SLC44A5: variants seen among roughly 807,000 people sequenced by gnomAD.
SLC44A5 encodes the protein choline transporter-like protein 5.
Under a neutral mutation model 101.8 loss-of-function variants are expected in SLC44A5, and 57 were observed. The ratio of observed to expected loss-of-function variants is 0.56; its 90% CI spans 0.45 to 0.70. The LOEUF is 0.70. SLC44A5 is among the 30% of genes least tolerant of loss of function. The probability of loss-of-function intolerance (pLI) is 0.00; values close to 1 mark genes in which losing one functional copy is unlikely to be tolerated. For missense variants in SLC44A5, 737 were observed against 853.1 expected (o/e 0.86, Z 1.70); for synonymous variants, 281 against 290.9 (o/e 0.97, Z 0.35).
intron 3 of SLC44A5, among the ~76,000 whole-genome samples, chr1:75,388,072 G>T (rs868278400): frequency 9.5e-6 from 1 of 105,246 alleles, no homozygotes. Context: ...GGGGTGGGGG[G>T]AGGGGGGAGG....
At chr1:75,345,358 G>T (rs894209489) in intron 3 of SLC44A5, among the ~76,000 whole-genome samples, 1 of 152,042 alleles carries the variant, frequency 6.6e-6, no homozygotes, top group African/African-American at 2.4e-5. Context: ...GATCTTGGGA[G>T]AATTACTTTT....
Position 75,251,239 on chromosome 1 carries a change from A to G in SLC44A5, c.316T>C (p.Leu106=). Residue 106 remains leucine (L), a synonymous_variant, in exon 7 of 24, where the codon TTG becomes CTG. Coordinates refer to ENST00000370859, the MANE Select transcript of SLC44A5 (RefSeq NM_001130058.2). ...NLLRCTSPSV[L]LNLQCPTTQI... ...GTGGTAGGGCACTGTAGGTTTAGCA[A>G]CACGGAGGGACTGGTACAGCGTAAC... The G allele has an allele frequency of 6.2e-7, 1 of 1,613,648 alleles. No homozygotes were observed. Among genetic ancestry groups the G allele is most frequent in the Admixed American group, 1.7e-5 (1 of 59,988 alleles).
At chr1:75,475,192 G>T (rs890265130) in intron 2 of SLC44A5, among the ~76,000 whole-genome samples, 6 of 152,166 alleles carry the variant, frequency 3.9e-5, no homozygotes, top group African/African-American at 1.4e-4. Flanking sequence ...CTCAGCAAAA[G>T]CCTAATAAGA....
the SLC44A5 span, among the ~76,000 whole-genome samples, chr1:75,711,726 T>A: frequency 6.6e-6 from 1 of 152,330 alleles, no homozygotes; most frequent in Non-Finnish European, 1.5e-5. Flanking sequence ...GGTACGGTGA[T>A]GTGTTCTATC....
the SLC44A5 span, among the ~76,000 whole-genome samples, chr1:75,648,965 A>G: frequency 6.6e-6 from 1 of 152,156 alleles, no homozygotes; most frequent in African/African-American, 2.4e-5. Context: ...AAATTACAAT[A>G]ATTTTTAGAT....
intron 1 of SLC44A5, among the ~76,000 whole-genome samples, chr1:75,547,879 G>T (rs1404681145): frequency 2.6e-5 from 4 of 152,072 alleles, no homozygotes; most frequent in African/African-American, 9.7e-5. Context: ...TAAAAAATCT[G>T]TAAAAGAAAC....
chr1:75,481,889 CTAGA>C (rs1667879934), intron 2 of SLC44A5, among the ~76,000 whole-genome samples: 1 of 152,022 alleles, frequency 6.6e-6, no homozygotes, highest in East Asian at 1.9e-4. Flanking sequence ...TAGATTTTGA[CTAGA>C]ATTTGACCCA....
At chr1:75,467,502 G>A (rs1249776665) in intron 2 of SLC44A5, among the ~76,000 whole-genome samples, 1 of 151,842 alleles carries the variant, frequency 6.6e-6, no homozygotes, top group Non-Finnish European at 1.5e-5. Context: ...CAATGGAACA[G>A]AATAGAGAAC....
At chr1:75,567,329 A>T (rs908267069) in intron 1 of SLC44A5, among the ~76,000 whole-genome samples, 1 of 152,164 alleles carries the variant, frequency 6.6e-6, no homozygotes, top group Non-Finnish European at 1.5e-5. Flanking sequence ...TGGCATTAGA[A>T]CCTTTTGCAT....
chr1:75,456,224 G>A (rs1484156176), intron 2 of SLC44A5, among the ~76,000 whole-genome samples: 2 of 152,082 alleles, frequency 1.3e-5, no homozygotes, highest in Non-Finnish European at 2.9e-5. Context: ...AGCAGCTGGA[G>A]GCCATTATCC....
upstream of SLC44A5, among the ~76,000 whole-genome samples, chr1:75,615,517 G>A (rs990790720): frequency 6.6e-6 from 1 of 150,844 alleles, no homozygotes; most frequent in African/African-American, 2.5e-5. Flanking sequence ...AAGACAAGAT[G>A]CTAGGAGCCC....
chr1:75,368,643 G>GCACACACACA (rs10598515), intron 3 of SLC44A5, among the ~76,000 whole-genome samples: 108 of 144,092 alleles, frequency 7.5e-4, no homozygotes, highest in African/African-American at 2.6e-3. Context: ...AAATGTGCAT[G>GCACACACACA]CACACACACA....
chr1:75,350,991 T>A (rs1411732005), intron 3 of SLC44A5, among the ~76,000 whole-genome samples: 1 of 151,648 alleles, frequency 6.6e-6, no homozygotes, highest in African/African-American at 2.4e-5. Context: ...TGAGTTGAAG[T>A]TGATCTCTAG....
intron 3 of SLC44A5, among the ~76,000 whole-genome samples, chr1:75,352,357 C>G (rs776621822): frequency 6.6e-6 from 1 of 151,894 alleles, no homozygotes; most frequent in Non-Finnish European, 1.5e-5. Flanking sequence ...TCTCCCCCAC[C>G]GCCAGTCCCC....
intron 7 of SLC44A5, among the ~76,000 whole-genome samples, chr1:75,244,209 T>A (rs1648907765): frequency 1.3e-5 from 2 of 152,078 alleles, no homozygotes; most frequent in South Asian, 4.1e-4. Context: ...ACACTAACCT[T>A]ACTCAGAGCT....
chr1:75,441,965 T>C (rs982963232), intron 2 of SLC44A5, among the ~76,000 whole-genome samples: 6 of 152,154 alleles, frequency 3.9e-5, no homozygotes, highest in African/African-American at 1.4e-4. Flanking sequence ...TATATTTCTA[T>C]ACCTAAAATG....
chr1:75,396,194 G>A (rs1662112895), intron 3 of SLC44A5, among the ~76,000 whole-genome samples: 2 of 152,108 alleles, frequency 1.3e-5, no homozygotes, highest in African/African-American at 2.4e-5. Context: ...AAAGAAGACT[G>A]AATAATACAC....
intron 5 of SLC44A5, among the ~76,000 whole-genome samples, chr1:75,281,636 G>GCCCCCC (rs71081324): frequency 4.0e-5 from 2 of 49,458 alleles, no homozygotes; most frequent in African/African-American, 5.5e-5. Flanking sequence ...CTGGTGCCAG[G>GCCCCCC]CCCCCCCCCC....
chr1:75,346,030 A>C (rs1658227100), intron 3 of SLC44A5, among the ~76,000 whole-genome samples: 1 of 152,130 alleles, frequency 6.6e-6, no homozygotes, highest in South Asian at 2.1e-4. Flanking sequence ...GGTACCCTAC[A>C]TCATCACCTA....
Sources: gnomAD v4.1 joint callset for allele counts (sites outside exome capture counted in the v4.1 genomes callset) on GRCh38, gnomAD v4.1.1 for gene constraint, MANE v1.5 for transcripts, NCBI Gene and HGNC (gene_info 2026-07-23, HGNC 2026-07-21) for gene names.